The following NDST4 variants were observed in gnomAD, a reference collection of about 807,000 sequenced individuals.
NDST4 encodes the protein N-heparan sulfate sulfotransferase 4.
NDST4 carries 63 observed loss-of-function variants against 100.8 expected under a neutral mutation model. The ratio of observed to expected loss-of-function variants is 0.62; its 90% CI spans 0.51 to 0.77. The LOEUF is 0.77. NDST4 is among the 30% of genes least tolerant of loss of function. The pLI, the probability that NDST4 is intolerant of heterozygous loss-of-function variation, is 0.00. For synonymous variants in NDST4, 377 were observed against 361.8 expected, an observed-to-expected ratio of 1.04 and a Z score of -0.48; for missense variants, 943 against 1,018.4, an observed-to-expected ratio of 0.93 and a Z score of 1.01.
At chr4:115,043,045 C>A (rs868235282) in intron 2 of NDST4, among the ~76,000 whole-genome samples, 3 of 151,876 alleles carry the variant, frequency 2.0e-5, no homozygotes, top group Middle Eastern at 3.2e-3. Context: ...AAATGCAGAT[C>A]AACTTATTTA....
chr4:115,039,760 A>T (rs1016686260), intron 2 of NDST4, among the ~76,000 whole-genome samples: 8 of 152,268 alleles, frequency 5.3e-5, no homozygotes, highest in African/African-American at 1.9e-4. Flanking sequence ...CATTTACCTA[A>T]GAAAAGAGGG....
chr4:114,921,084 T>C (rs1178985773), intron 6 of NDST4, among the ~76,000 whole-genome samples: 2 of 152,154 alleles, frequency 1.3e-5, no homozygotes, highest in African/African-American at 2.4e-5. Flanking sequence ...ACAAAGAACT[T>C]AGTGTTTCCA....
chr4:114,903,429 G>C (rs1056878377), intron 6 of NDST4, among the ~76,000 whole-genome samples: 5 of 151,976 alleles, frequency 3.3e-5, no homozygotes, highest in African/African-American at 1.2e-4. Flanking sequence ...GGTTTCCCTG[G>C]AGTTTCTGAA....
intron 1 of NDST4, among the ~76,000 whole-genome samples, chr4:115,081,831 G>T (rs537509832): frequency 6.6e-6 from 1 of 152,136 alleles, no homozygotes. Context: ...ATATGGTGAT[G>T]TTGACCTTTC....
intron 4 of NDST4, among the ~76,000 whole-genome samples, chr4:114,963,929 G>A (rs1316354825): frequency 2.0e-5 from 3 of 152,068 alleles, no homozygotes; most frequent in Non-Finnish European, 2.9e-5. Flanking sequence ...ACTAGTTATC[G>A]CTGTCTCCTG....
chr4:115,010,649 C>A (rs1480026725), intron 2 of NDST4, among the ~76,000 whole-genome samples: 1 of 68,876 alleles, frequency 1.5e-5, no homozygotes, highest in East Asian at 5.4e-4. Flanking sequence ...AACTAACCTG[C>A]ACATTGTGCA....
rs775236915 is a variant in NDST4, at chr4:115,090,739, A to T, written c.-246-13457T>A. On this transcript the variant is annotated intron_variant, in intron 1 of 13. Coordinates refer to ENST00000264363, the MANE Select transcript of NDST4 (RefSeq NM_022569.3). ...AATAGGCCAACAGCACCTGTTCTCC[A>T]TTGACAGGTTACTAAACTAAAGAAA... 2.0e-5 allele frequency among the ~76,000 whole-genome samples: 3 copies of T among 152,066 alleles called. No homozygotes were observed. The South Asian group carries it at 6.2e-4, about 31-fold the overall frequency.
At chr4:114,832,393 T>C (rs1723218936) in intron 12 of NDST4, among the ~76,000 whole-genome samples, 1 of 152,214 alleles carries the variant, frequency 6.6e-6, no homozygotes, top group Admixed American at 6.5e-5. Context: ...AATTACATAA[T>C]TGTGCTTGTT....
chr4:114,894,932 T>G (rs2218250), intron 6 of NDST4, among the ~76,000 whole-genome samples: 34,227 of 152,042 alleles, frequency 0.23, 5,519 homozygotes, highest in African/African-American at 0.46. Flanking sequence ...CCTAGTTTAT[T>G]GAGAGTTTTT....
At chr4:115,100,874 C>T (rs1329062925) in intron 1 of NDST4, among the ~76,000 whole-genome samples, 1 of 151,410 alleles carries the variant, frequency 6.6e-6, no homozygotes, top group African/African-American at 2.4e-5. Context: ...TAATTAACCT[C>T]ACATTCAGAA....
At chr4:115,073,917 T>C (rs999545461) in intron 2 of NDST4, among the ~76,000 whole-genome samples, 2 of 151,958 alleles carry the variant, frequency 1.3e-5, no homozygotes, top group East Asian at 1.9e-4. Flanking sequence ...GAAAACTATA[T>C]ACTGTTTTTG....
At chr4:114,912,434 C>T (rs1578383912) in intron 6 of NDST4, among the ~76,000 whole-genome samples, 1 of 152,090 alleles carries the variant, frequency 6.6e-6, no homozygotes, top group Non-Finnish European at 1.5e-5. Flanking sequence ...CCCAATTACA[C>T]ATATTTGATA....
chr4:114,846,822 C>T (rs1276633790), intron 9 of NDST4, among the ~76,000 whole-genome samples: 1 of 152,106 alleles, frequency 6.6e-6, no homozygotes, highest in African/African-American at 2.4e-5. Flanking sequence ...TATTATGTTT[C>T]CCAAAAGCGG....
chr4:114,953,020 C>CT (rs201567077), intron 4 of NDST4, among the ~76,000 whole-genome samples: 62 of 135,876 alleles, frequency 4.6e-4, no homozygotes, highest in South Asian at 9.2e-4. Context: ...CATTTTTTTT[C>CT]TTTTTTTTTT....
chr4:115,045,643 T>C (rs1728449254), intron 2 of NDST4, among the ~76,000 whole-genome samples: 1 of 152,296 alleles, frequency 6.6e-6, no homozygotes, highest in South Asian at 2.1e-4. Flanking sequence ...GGAGACCTTT[T>C]TCATTCTGGA....
chr4:115,007,408 T>C (rs941224324), intron 2 of NDST4, among the ~76,000 whole-genome samples: 10 of 152,176 alleles, frequency 6.6e-5, no homozygotes, highest in Non-Finnish European at 7.3e-5. Context: ...ACACAGGCTA[T>C]ACGCAATTGA....
chr4:114,962,447 G>C (rs972646607), intron 4 of NDST4, among the ~76,000 whole-genome samples: 2 of 151,850 alleles, frequency 1.3e-5, no homozygotes, highest in African/African-American at 4.8e-5. Context: ...TAATAAATGA[G>C]CTCAGCAAAT....
rs139299330 is a variant in NDST4 at position 115,109,290 on chromosome 4, C to T, written c.-247+4154G>A. ...TCAACTTCTGTGTAGTTATAGTTGA[C>T]GATGCATTCCATTAAGGACTTTTTA... On this transcript the variant is annotated intron_variant, in intron 1 of 13. Transcript: ENST00000264363. Among the ~76,000 whole-genome samples the T allele has an allele frequency of 1.6e-3, 236 of 151,894 alleles. 7 individuals are homozygous for T. The East Asian group carries it at 0.038, about 24-fold the overall frequency.
chr4:114,998,390 A>C (rs1468168888), intron 2 of NDST4, among the ~76,000 whole-genome samples: 1 of 152,108 alleles, frequency 6.6e-6, no homozygotes, highest in Non-Finnish European at 1.5e-5. Context: ...ATCCAAGTTG[A>C]AAATGAATTC....
Sources: allele counts gnomAD v4.1 joint callset (sites outside exome capture counted in the v4.1 genomes callset), GRCh38; gene constraint gnomAD v4.1.1; transcripts MANE v1.5; gene names NCBI Gene and HGNC (gene_info 2026-07-23, HGNC 2026-07-21).